ASAP3: variants seen among roughly 807,000 people sequenced by gnomAD.
ASAP3 encodes arf-GAP with SH3 domain, ANK repeat and PH domain-containing protein 3.
In ASAP3, 85 loss-of-function variants were observed where a neutral mutation model predicts 118.2. The ratio of observed to expected loss-of-function variants is 0.72; its 90% CI spans 0.60 to 0.86. The LOEUF (loss-of-function observed/expected upper bound fraction) is 0.86, where lower values mean the gene tolerates loss of function less well. ASAP3 is among the 40% of genes least tolerant of loss of function. The pLI, the probability that ASAP3 is intolerant of heterozygous loss-of-function variation, is 0.00. For missense variants in ASAP3, 1,026 were observed against 1,175.0 expected (o/e 0.87, Z 1.85); for synonymous variants, 432 against 477.4 (o/e 0.90, Z 1.24).
intron 1 of ASAP3, among the ~76,000 whole-genome samples, chr1:23,470,727 G>A (rs112157273): frequency 2.6e-5 from 4 of 152,016 alleles, no homozygotes; most frequent in Non-Finnish European, 5.9e-5. Flanking sequence ...CTCTGCAGAC[G>A]TCTTCCCAGC....
intron 1 of ASAP3, among the ~76,000 whole-genome samples, chr1:23,473,131 T>C (rs1642013773): frequency 1.3e-5 from 2 of 152,122 alleles, no homozygotes; most frequent in South Asian, 4.1e-4. Flanking sequence ...TAAATATGGC[T>C]TAATGGATTA....
At position 23,437,486 on chromosome 1, in the gene ASAP3, A is replaced by G; in HGVS notation, c.1103-14T>C. ...ACGTCCGGTTGTCTGTCGGGAGAGAAGGGGGCTTCTGACCCACAGAAATGC... is the reference window on the plus strand; with the variant it reads ...ACGTCCGGTTGTCTGTCGGGAGAGAGGGGGGCTTCTGACCCACAGAAATGC... On this transcript the variant is annotated splice_polypyrimidine_tract_variant and intron_variant, in intron 12 of 24. Transcript: ENST00000336689. The surrounding 1 kb of genome is among the most constrained non-coding windows in gnomAD (Gnocchi z 6.1). 6.2e-7 allele frequency: 1 copy of G among 1,613,948 alleles called. No individual in the cohort carries two copies.
chr1:23,462,716 G>A (rs971796017), intron 1 of ASAP3, among the ~76,000 whole-genome samples: 1 of 152,068 alleles, frequency 6.6e-6, no homozygotes, highest in African/African-American at 2.4e-5. Flanking sequence ...CTGAGATCAC[G>A]CCATTGCACC....
intron 22 of ASAP3, 113 bp downstream of exon 22, chr1:23,432,964 G>A (rs1640491258): frequency 8.3e-7 from 1 of 1,200,154 alleles, no homozygotes; most frequent in South Asian, 1.4e-5. Context: ...CCCTTCCTGG[G>A]AGGTCATCAT....
chr1:23,473,251 G>A (rs1642017392), intron 1 of ASAP3, among the ~76,000 whole-genome samples: 1 of 152,228 alleles, frequency 6.6e-6, no homozygotes, highest in Non-Finnish European at 1.5e-5. Context: ...TCGCCCCTGG[G>A]AGATTCTGAT....
chr1:23,458,296 T>C (rs1278725604), intron 1 of ASAP3, among the ~76,000 whole-genome samples: 3 of 151,714 alleles, frequency 2.0e-5, no homozygotes, highest in Admixed American at 6.6e-5. Flanking sequence ...GCCTAGGCAA[T>C]ATAGTGAGAC....
chr1:23,456,073 T>G lies in ASAP3; in HGVS notation c.203-47A>C. 3 of 1,614,036 alleles carry G rather than the reference T, an allele frequency of 1.9e-6. No individual in the cohort carries two copies. The South Asian group carries it at 3.3e-5, about 18-fold the overall frequency. Reference sequence around the variant, plus strand: ...CTTGGAGTTAGCTCCAGGCTGGGGCTGGGAGAGGGGCTTCCTGACCAGGCG... The same window carrying G: ...CTTGGAGTTAGCTCCAGGCTGGGGCGGGGAGAGGGGCTTCCTGACCAGGCG... On this transcript the variant is annotated intron_variant, in intron 2 of 24. Transcript: ENST00000336689.
chr1:23,437,593 T>C lies in ASAP3; in HGVS notation c.1103-121A>G. ...GATGTGTCCCTGACAAGTCGGACTC[T>C]CAAGCTAGGAGTGGGAAGGGAGTGG... On this transcript the variant is annotated intron_variant, in intron 12 of 24. Coordinates refer to ENST00000336689, the MANE Select transcript of ASAP3 (RefSeq NM_017707.4). The surrounding 1 kb of genome is among the most constrained non-coding windows in gnomAD (Gnocchi z 6.1). 1 of 1,248,690 alleles carries C rather than the reference T, an allele frequency of 8.0e-7. No individual in the cohort carries two copies. Among genetic ancestry groups the C allele is most frequent in the Non-Finnish European group, 1.1e-6 (1 of 893,236 alleles). The allele number at this position is 1,248,690 out of a possible 1,614,324, so 77.4% of individuals were successfully genotyped here. A position where few individuals can be genotyped will look rare whatever the true frequency, so the allele number is the denominator to read the frequency against.
Position 23,434,580 on chromosome 1 carries a change from G to A in ASAP3, c.1788C>T (p.Val596=), listed in dbSNP as rs143043205. Residue 596 remains valine (V), a synonymous_variant, in exon 18 of 25, where the codon GTC becomes GTT. Transcript: ENST00000336689. The part of the protein sequence containing the change: ...EELVLHLAVK[V]ANQASLPLVD... Reference sequence around the variant, plus strand: ...CCAGAGGCAGGGAAGCCTGGTTGGCGACTTTGACAGCCAAATGCAAGACGA... The same window carrying A: ...CCAGAGGCAGGGAAGCCTGGTTGGCAACTTTGACAGCCAAATGCAAGACGA... 7 of 1,613,996 alleles carry A rather than the reference G, an allele frequency of 4.3e-6. No homozygotes were observed. Among genetic ancestry groups the A allele is most frequent in the South Asian group, 2.2e-5 (2 of 91,072 alleles).
chr1:23,465,885 G>C (rs1641752103), intron 1 of ASAP3, among the ~76,000 whole-genome samples: 1 of 152,092 alleles, frequency 6.6e-6, no homozygotes, highest in South Asian at 2.1e-4. Context: ...CAAAGTTAGG[G>C]GGCACAGCTT....
At chr1:23,442,150 G>A in intron 7 of ASAP3, 36 bp downstream of exon 7, 1 of 1,565,592 alleles carries the variant, frequency 6.4e-7, no homozygotes, top group Non-Finnish European at 8.7e-7. Flanking sequence ...TGTGACACTG[G>A]AAGGGTTAGT....
Position 23,434,514 on chromosome 1 carries a change from C to G in ASAP3, c.1835+19G>C, listed in dbSNP as rs370517348. On this transcript the variant is annotated intron_variant, in intron 18 of 24. Transcript: ENST00000336689. ...GAGGGAGTGTGAGGAGCCAGACAGACAGGCAGGGAGGCTCTCACCCGTTCT... is the reference window on the plus strand; with the variant it reads ...GAGGGAGTGTGAGGAGCCAGACAGAGAGGCAGGGAGGCTCTCACCCGTTCT... The G allele has an allele frequency of 1.3e-4, 205 of 1,613,766 alleles. 1 individual carries two copies. Among genetic ancestry groups the G allele is most frequent in the Middle Eastern group, 4.9e-4 (3 of 6,080 alleles).
chr1:23,484,117 C>G lies in ASAP3; in HGVS notation c.17G>C (p.Ser6Thr). 3.0e-6 allele frequency: 4 copies of G among 1,312,540 alleles called. No homozygotes were observed. Among genetic ancestry groups the G allele is most frequent in the Non-Finnish European group, 3.9e-6 (4 of 1,035,160 alleles). 81.3% of individuals were successfully genotyped at this position (1,312,540 alleles called of 1,614,324 possible). Reference protein sequence around the residue: MPEQFSVAEFLAVTAE... With the variant: MPEQFTVAEFLAVTAE... ...GGTGACGGCCAGGAACTCGGCGACG[C>G]TGAACTGCTCCGGCATGGCGGGCGC... is the stretch of plus-strand genomic sequence containing the variant. The change falls in exon 1 of 25, where the codon AGC becomes ACC. Residue 6 changes from serine (S) to threonine (T), a missense_variant. Ser to Thr is a moderately conservative substitution (Grantham distance 58). Coordinates refer to ENST00000336689, the MANE Select transcript of ASAP3 (RefSeq NM_017707.4).
intron 24 of ASAP3, 82 bp downstream of exon 24, chr1:23,430,953 C>T: frequency 7.5e-7 from 1 of 1,336,246 alleles, no homozygotes; most frequent in South Asian, 1.5e-5. Context: ...AGGTCTCCCA[C>T]CCCAATACGC....
chr1:23,475,518 G>A (rs1046502875), intron 1 of ASAP3, among the ~76,000 whole-genome samples: 19 of 152,158 alleles, frequency 1.2e-4, no homozygotes, highest in African/African-American at 3.9e-4. Flanking sequence ...TGGGAATGAC[G>A]CCAAGTGATT....
chr1:23,438,828 G>A lies in ASAP3; in HGVS notation c.1021C>T (p.Arg341Trp), dbSNP rs768232484. The change falls in exon 12 of 25, where the codon CGG (arginine) becomes TGG (tryptophan). Residue 341 changes from arginine to tryptophan, a missense_variant. Physicochemically the swap from Arg to Trp is moderately radical, Grantham distance 101. Coordinates refer to ENST00000336689, the MANE Select transcript of ASAP3 (RefSeq NM_017707.4). The surrounding 1 kb of genome is among the most constrained non-coding windows in gnomAD (Gnocchi z 4.9). The stretch of plus-strand genomic sequence containing the variant: ...AGCAGGGTCAGCTTCACCGGGGGCC[G>A]GTTTATCTGTGGGAATTTAGGGGCG... ...CLTISHSTIN[R>W]PPVKLTLLTC... 3.7e-6 allele frequency: 6 copies of A among 1,614,048 alleles called. No homozygotes were observed. The highest frequency in any genetic ancestry group is 2.2e-5 in the East Asian group (1 of 44,898).
intron 1 of ASAP3, among the ~76,000 whole-genome samples, chr1:23,474,108 C>A (rs550645097): frequency 2.3e-4 from 34 of 146,086 alleles, no homozygotes; most frequent in African/African-American, 8.5e-4. Context: ...GCTGGGATTA[C>A]AGGTGCCTGC....
In ASAP3 at chr1:23,436,505, C is replaced by A; in HGVS notation, c.1571+55G>T. 3 of 1,587,170 alleles carry A rather than the reference C, an allele frequency of 1.9e-6. No individual in the cohort carries two copies. Among genetic ancestry groups the A allele is most frequent in the Non-Finnish European group, 2.6e-6 (3 of 1,155,696 alleles). On this transcript the variant is annotated intron_variant, in intron 16 of 24. Coordinates refer to ENST00000336689, the MANE Select transcript of ASAP3 (RefSeq NM_017707.4). This position sits in a 1 kb window ranked among gnomAD's most constrained non-coding sequence, Gnocchi z 4.2. The stretch of plus-strand genomic sequence containing the variant: ...CAAGACTTTTCTACGACCCTGGACA[C>A]TGCGGAGGCAGAATCCCCTAGGCAG...
intron 1 of ASAP3, among the ~76,000 whole-genome samples, chr1:23,464,022 G>A (rs1011469380): frequency 4.6e-5 from 7 of 151,958 alleles, no homozygotes; most frequent in Admixed American, 1.3e-4. Context: ...ATCAGCCCTC[G>A]TTTCCCATGA....
Sources: gnomAD v4.1 joint callset for allele counts (sites outside exome capture counted in the v4.1 genomes callset) on GRCh38, gnomAD v4.1.1 for gene constraint, Gnocchi (gnomAD v3.1) non-coding constraint, MANE v1.5 for transcripts, NCBI Gene and HGNC (gene_info 2026-07-23, HGNC 2026-07-21) for gene names.